GPX4: variants seen among roughly 807,000 people sequenced by gnomAD.
GPX4 encodes glutathione peroxidase 4, also known as phospholipid hydroperoxide glutathione peroxidase GPX4.
GPX4 carries 28 observed loss-of-function variants against 27.8 expected under a neutral mutation model. The ratio of observed to expected loss-of-function variants is 1.01; its 90% CI spans 0.75 to 1.38. GPX4 has a LOEUF of 1.38. Ranked by LOEUF, GPX4 falls within the 40% of genes most tolerant of loss-of-function variation. GPX4 has a pLI of 0.00. For missense variants in GPX4, 357 were observed against 274.1 expected, an observed-to-expected ratio of 1.30 and a Z score of -2.14; for synonymous variants, 163 against 107.8, an observed-to-expected ratio of 1.51 and a Z score of -3.17.
rs1686505064 is a variant in GPX4, at chr19:1,105,185, G to A, written c.85-1G>A. The A allele has an allele frequency of 2.5e-6, 4 of 1,612,832 alleles. No individual in the cohort carries two copies. Among genetic ancestry groups the A allele is most frequent in the Non-Finnish European group, 3.4e-6 (4 of 1,179,874 alleles). ...CCTGCTCAGCTTCCTTTGCCTTGCA[G>A]TGCGCGTCCCGGGACGACTGGCGCT... On this transcript the variant is annotated splice_acceptor_variant, in intron 1 of 6. Transcript: ENST00000354171. LOFTEE classifies it high-confidence loss of function.
intron 1 of GPX4, chr19:1,104,902 C>A: frequency 7.3e-7 from 1 of 1,371,778 alleles, no homozygotes; most frequent in Non-Finnish European, 9.5e-7. Context: ...GACCGGAGAT[C>A]CACGAATGTC....
At position 1,105,208 on chromosome 19, in the gene GPX4, G is replaced by A. The variant is rs1397093830; in HGVS notation, c.107G>A (p.Arg36His). Residue 36 changes from arginine (R) to histidine (H), a missense_variant, in exon 2 of 7, where the codon CGC becomes CAC. Transcript: ENST00000354171. Reference sequence around the variant, plus strand: ...CAGTGCGCGTCCCGGGACGACTGGCGCTGTGCGCGCTCCATGCACGAGTTT... The same window carrying A: ...CAGTGCGCGTCCCGGGACGACTGGCACTGTGCGCGCTCCATGCACGAGTTT... The part of the protein sequence containing the change: ...GTMCASRDDW[R>H]CARSMHEFSA... 1 of 1,612,934 alleles carries A rather than the reference G, an allele frequency of 6.2e-7. No individual in the cohort carries two copies. The highest frequency in any genetic ancestry group is 2.2e-5 in the East Asian group (1 of 44,858).
rs945662789 is a variant in GPX4, at chr19:1,105,222, A to G, written c.121A>G (p.Met41Val). The G allele has an allele frequency of 6.2e-7, 1 of 1,612,942 alleles. No individual in the cohort carries two copies. Among genetic ancestry groups the G allele is most frequent in the Non-Finnish European group, 8.5e-7 (1 of 1,179,878 alleles). Reference protein sequence around the residue: ...SRDDWRCARSMHEFSAKDIDG... With the variant: ...SRDDWRCARSVHEFSAKDIDG... ...GGACGACTGGCGCTGTGCGCGCTCC[A>G]TGCACGAGTTTTCCGCCAAGGACAT... Residue 41 changes from methionine to valine, a missense_variant, in exon 2 of 7, where the codon ATG (methionine) becomes GTG (valine). Physicochemically the swap from Met to Val is conservative, Grantham distance 21 (BLOSUM62 1). Coordinates refer to ENST00000354171, the MANE Select transcript of GPX4 (RefSeq NM_002085.5).
At chr19:1,104,157 C>T in intron 1 of GPX4, 30 bp downstream of exon 1, 1 of 1,430,542 alleles carries the variant, frequency 7.0e-7, no homozygotes, top group Non-Finnish European at 9.1e-7. Flanking sequence ...GTTGCCGGCC[C>T]GGTGACCGTT....
intron 4 of GPX4, 172 bp from the exon 5 acceptor site, chr19:1,106,070 C>T (rs745647032): frequency 7.5e-6 from 5 of 665,070 alleles, no homozygotes; most frequent in South Asian, 2.0e-5. Context: ...GCTGTTGGGA[C>T]TCTCACACTG....
rs1053017810 is a variant in GPX4, at chr19:1,104,038, G to A, written c.-6G>A. 156 of 1,518,600 alleles carry A rather than the reference G, an allele frequency of 1.0e-4. No homozygotes were observed. The highest frequency in any genetic ancestry group is 9.2e-4 in the Middle Eastern group (4 of 4,342). The allele number at this position is 1,518,600 out of a possible 1,614,324, so 94.1% of individuals were successfully genotyped here. ...GGAGGAGCCGCTGGCTCCCAGCCCCGCCGCGATGAGCCTCGGCCGCCTTTG... is the reference window on the plus strand; with the variant it reads ...GGAGGAGCCGCTGGCTCCCAGCCCCACCGCGATGAGCCTCGGCCGCCTTTG... On this transcript the variant is annotated 5_prime_UTR_variant, in exon 1 of 7. Transcript: ENST00000354171.
intron 1 of GPX4, chr19:1,104,851 G>T: frequency 8.6e-7 from 1 of 1,162,704 alleles, no homozygotes; most frequent in South Asian, 2.4e-5. Flanking sequence ...GGCGCAGGAG[G>T]GCGCGGCGCC....
Position 1,105,357 on chromosome 19 carries a change from T to C in GPX4, c.180-9T>C, listed in dbSNP as rs2079635310. On this transcript the variant is annotated splice_polypyrimidine_tract_variant and intron_variant, in intron 2 of 6. Coordinates refer to ENST00000354171, the MANE Select transcript of GPX4 (RefSeq NM_002085.5). ...TGTTCTTCTGCGCTGACGCCGCCGA[T>C]CCTCGCAGGGGCTTCGTGTGCATCG... 6.2e-7 allele frequency: 1 copy of C among 1,611,374 alleles called. No homozygotes were observed.
In GPX4 at chr19:1,105,396, C is replaced by T. The variant is rs1474688353; in HGVS notation, c.210C>T (p.Ala70=). The T allele has an allele frequency of 6.2e-7, 1 of 1,611,146 alleles. No individual in the cohort carries two copies. The highest frequency in any genetic ancestry group is 1.1e-5 in the South Asian group (1 of 91,006). ...RGFVCIVTNV[A]SQUGKTEVNY... is the part of the protein sequence containing the mutation. ...TCGTGTGCATCGTCACCAACGTGGC[C>T]TCCCAGTGAGGCAAGACCGAAGTAA... Residue 70 remains alanine (A), a synonymous_variant, in exon 3 of 7, where the codon GCC becomes GCT. Coordinates refer to ENST00000354171, the MANE Select transcript of GPX4 (RefSeq NM_002085.5).
Position 1,105,290 on chromosome 19 carries a change from C to T in GPX4, c.179+10C>T. ...ACCTGGACAAGTACCGGTGGGCGCT[C>T]GCCTGGGGTGGGGCGCGGGGTCGGG... On this transcript the variant is annotated intron_variant, in intron 2 of 6. Coordinates refer to ENST00000354171, the MANE Select transcript of GPX4 (RefSeq NM_002085.5). 1 of 1,612,880 alleles carries T rather than the reference C, an allele frequency of 6.2e-7. No homozygotes were observed. Among genetic ancestry groups the T allele is most frequent in the Non-Finnish European group, 8.5e-7 (1 of 1,179,886 alleles).
At position 1,105,078 on chromosome 19, in the gene GPX4, A is replaced by C. The variant is rs1313647381; in HGVS notation, c.85-108A>C. On this transcript the variant is annotated intron_variant, in intron 1 of 6. Transcript: ENST00000354171. ...GGAGCGTTCAGGTCTTCAGGGCCGC[A>C]GGGCCTCGGTGTCCCCGCCACCGAC... 3.4e-6 allele frequency: 5 copies of C among 1,492,428 alleles called. No homozygotes were observed. The African/African-American group carries it at 6.9e-5, about 21-fold the overall frequency. 92.4% of individuals were successfully genotyped at this position (1,492,428 alleles called of 1,614,324 possible).
rs759011380 is a variant in GPX4 at position 1,104,877 on chromosome 19, G to C, written c.85-309G>C. 2.8e-5 allele frequency: 36 copies of C among 1,293,074 alleles called. No homozygotes were observed. The highest frequency in any genetic ancestry group is 3.5e-5 in the Non-Finnish European group (35 of 1,000,366). The allele number at this position is 1,293,074 out of a possible 1,614,324, so 80.1% of individuals were successfully genotyped here. On this transcript the variant is annotated intron_variant, in intron 1 of 6. Coordinates refer to ENST00000354171, the MANE Select transcript of GPX4 (RefSeq NM_002085.5). ...GCGCGGCGCCGGCGGAAGAAGCCCTGTCCCCGCAGCTTGCGACCGGAGATC... is the reference window on the plus strand; with the variant it reads ...GCGCGGCGCCGGCGGAAGAAGCCCTCTCCCCGCAGCTTGCGACCGGAGATC...
At position 1,106,414 on chromosome 19, in the gene GPX4, G is replaced by T; in HGVS notation, c.516G>T (p.Lys172Asn). 1 of 1,613,570 alleles carries T rather than the reference G, an allele frequency of 6.2e-7. No homozygotes were observed. Among genetic ancestry groups the T allele is most frequent in the Non-Finnish European group, 8.5e-7 (1 of 1,179,950 alleles). Residue 172 changes from lysine (K) to asparagine (N), a missense_variant, in exon 6 of 7, where the codon AAG becomes AAT. By Grantham distance (94) the Lys-to-Asn change is moderately conservative. Coordinates refer to ENST00000354171, the MANE Select transcript of GPX4 (RefSeq NM_002085.5). ...TCTCTCCACAGTTCCTCATCGACAAGAACGGCTGCGTGGTGAAGCGCTACG... is the reference window on the plus strand; with the variant it reads ...TCTCTCCACAGTTCCTCATCGACAATAACGGCTGCGTGGTGAAGCGCTACG... Reference protein sequence around the residue: ...KWNFTKFLIDKNGCVVKRYGP... With the variant: ...KWNFTKFLIDNNGCVVKRYGP...
rs756803895 is a variant in GPX4 at position 1,106,676 on chromosome 19, G to A, written c.*104G>A. On this transcript the variant is annotated 3_prime_UTR_variant, in exon 7 of 7. Transcript: ENST00000354171. Reference sequence around the variant, plus strand: ...GCAAACCTGCTGGTGGGGCAGACCCGAAAATCCAGCGTGCACCCCGCCGGA... The same window carrying A: ...GCAAACCTGCTGGTGGGGCAGACCCAAAAATCCAGCGTGCACCCCGCCGGA... The A allele has an allele frequency of 3.7e-5, 56 of 1,508,136 alleles. No homozygotes were observed. The highest frequency in any genetic ancestry group is 6.9e-5 in the African/African-American group (5 of 72,232). 93.4% of individuals were successfully genotyped at this position (1,508,136 alleles called of 1,614,324 possible).
Position 1,105,094 on chromosome 19 carries a change from C to G in GPX4, c.85-92C>G, listed in dbSNP as rs563988259. 4.6e-6 allele frequency: 7 copies of G among 1,509,068 alleles called. No homozygotes were observed. The East Asian group carries it at 1.4e-4, about 31-fold the overall frequency. 93.5% of individuals were successfully genotyped at this position (1,509,068 alleles called of 1,614,324 possible). ...CAGGGCCGCAGGGCCTCGGTGTCCC[C>G]GCCACCGACCCGCTCCCGATCCCTT... On this transcript the variant is annotated intron_variant, in intron 1 of 6. Transcript: ENST00000354171.
In GPX4 at chr19:1,104,862, G is replaced by A. The variant is rs1422727528; in HGVS notation, c.85-324G>A. On this transcript the variant is annotated intron_variant, in intron 1 of 6. Transcript: ENST00000354171. ...TGCAGGCGCAGGAGGGCGCGGCGCC[G>A]GCGGAAGAAGCCCTGTCCCCGCAGC... The A allele has an allele frequency of 2.5e-6, 3 of 1,186,658 alleles. No homozygotes were observed. The highest frequency in any genetic ancestry group is 3.2e-6 in the Non-Finnish European group (3 of 939,296). 73.5% of individuals were successfully genotyped at this position (1,186,658 alleles called of 1,614,324 possible).
In GPX4 at chr19:1,106,533, C is replaced by A; in HGVS notation, c.562-7C>A. ...AGCTGCCCTAACCCAGCTTTCCTCCCCGACAGGTGATAGAGAAGGACCTGC... is the reference window on the plus strand; with the variant it reads ...AGCTGCCCTAACCCAGCTTTCCTCCACGACAGGTGATAGAGAAGGACCTGC... On this transcript the variant is annotated splice_polypyrimidine_tract_variant and splice_region_variant and intron_variant, in intron 6 of 6. Transcript: ENST00000354171. The A allele has an allele frequency of 1.2e-6, 2 of 1,613,296 alleles. No homozygotes were observed. Among genetic ancestry groups the A allele is most frequent in the Non-Finnish European group, 1.7e-6 (2 of 1,179,750 alleles).
intron 4 of GPX4, 96 bp downstream of exon 4, chr19:1,105,905 G>C (rs1001603921): frequency 5.0e-6 from 7 of 1,410,832 alleles, no homozygotes; most frequent in Non-Finnish European, 6.7e-6. Context: ...CTCATGGCTC[G>C]GGGGGCGGTT....
intron 4 of GPX4, 80 bp downstream of exon 4, chr19:1,105,889 G>C (rs1362404771): frequency 1.4e-6 from 2 of 1,434,284 alleles, no homozygotes; most frequent in Non-Finnish European, 9.4e-7. Flanking sequence ...CCCTGGGGCA[G>C]AATGGCTCAT....
Sources: allele counts gnomAD v4.1 joint callset, GRCh38; gene constraint gnomAD v4.1.1; transcripts MANE v1.5; gene names NCBI Gene and HGNC (gene_info 2026-07-23, HGNC 2026-07-21).